The following HYDIN variants were observed in gnomAD, a reference collection of about 807,000 sequenced individuals.
HYDIN encodes HYDIN axonemal central pair apparatus protein.
Under a neutral mutation model 403.9 loss-of-function variants are expected in HYDIN, and 132 were observed. The observed-to-expected ratio is 0.33, with a 90% CI of 0.28 to 0.38. The LOEUF is 0.38. Ranked by LOEUF, HYDIN falls within the 10% of genes least tolerant of loss-of-function variation. The pLI, the probability that HYDIN is intolerant of heterozygous loss-of-function variation, is 1.00. For missense variants in HYDIN, 2,827 were observed against 5,009.5 expected, an observed-to-expected ratio of 0.56 and a Z score of 13.15; for synonymous variants, 1,202 against 1,891.7, an observed-to-expected ratio of 0.64 and a Z score of 9.46.
chr16:70,905,577 G>A (rs1388374119), intron 50 of HYDIN, among the ~76,000 whole-genome samples: 2 of 142,312 alleles, frequency 1.4e-5, no homozygotes, highest in South Asian at 4.5e-4. Flanking sequence ...AGGCTGCAGT[G>A]AGCTGAGATT....
intron 45 of HYDIN, chr16:70,933,643 T>C (rs1322602998): frequency 6.5e-6 from 1 of 154,700 alleles, no homozygotes; most frequent in African/African-American, 2.4e-5. Context: ...GCGGGTGTTG[T>C]GGAGACTGGA....
In HYDIN at chr16:70,859,996, T is replaced by C. The variant is rs191848565; in HGVS notation, c.12129+72A>G. 6.6e-5 allele frequency: 96 copies of C among 1,460,880 alleles called. No homozygotes were observed. In the East Asian group the frequency reaches 1.8e-3, roughly 28 times the overall value. 90.5% of individuals were successfully genotyped at this position (1,460,880 alleles called of 1,614,324 possible). A position where few individuals can be genotyped will look rare whatever the true frequency, so the allele number is the denominator to read the frequency against. ...TCTTCCTAATTCCACTTACTGTCTATGGCACACTTTCCACACAGCAATGGC... is the reference window on the plus strand; with the variant it reads ...TCTTCCTAATTCCACTTACTGTCTACGGCACACTTTCCACACAGCAATGGC... On this transcript the variant is annotated intron_variant, in intron 71 of 85. Coordinates refer to ENST00000393567, the MANE Select transcript of HYDIN (RefSeq NM_001270974.2).
At chr16:71,022,769 AG>A (rs1009870357) in intron 21 of HYDIN, among the ~76,000 whole-genome samples, 10 of 143,378 alleles carry the variant, frequency 7.0e-5, no homozygotes, top group African/African-American at 2.2e-4. Flanking sequence ...GGTGGAAAAA[AG>A]TAAGCAGGGA....
intron 1 of HYDIN, among the ~76,000 whole-genome samples, chr16:71,228,100 C>A (rs1170506796): frequency 6.6e-6 from 1 of 152,132 alleles, no homozygotes; most frequent in African/African-American, 2.4e-5. Flanking sequence ...GGAAAACTGG[C>A]TAGCCATATG....
chr16:70,871,571 G>A (rs905826046), intron 65 of HYDIN, among the ~76,000 whole-genome samples: 2 of 152,078 alleles, frequency 1.3e-5, no homozygotes, highest in Non-Finnish European at 2.9e-5. Context: ...AGTTAACAAG[G>A]TTTTAACATG....
Position 70,879,387 on chromosome 16 carries a change from T to G in HYDIN, c.10467A>C (p.Gly3489=). 6.3e-7 allele frequency: 1 copy of G among 1,577,560 alleles called. No homozygotes were observed. Among genetic ancestry groups the G allele is most frequent in the South Asian group, 1.1e-5 (1 of 90,104 alleles). The change falls in exon 62 of 86, where the codon GGA becomes GGC. Residue 3489 remains glycine (G), a synonymous_variant. Coordinates refer to ENST00000393567, the MANE Select transcript of HYDIN (RefSeq NM_001270974.2). ...GCCTCTTAAAGAGGAGCAAGGGGTTTCCATATTGGTTATGAAGAACTGGCC... is the reference window on the plus strand; with the variant it reads ...GCCTCTTAAAGAGGAGCAAGGGGTTGCCATATTGGTTATGAAGAACTGGCC... The part of the protein sequence containing the change: ...VVRPVLHNQY[G]NPLLLFKRLL...
chr16:71,216,816 C>T (rs1201010473), intron 1 of HYDIN, among the ~76,000 whole-genome samples: 4 of 152,170 alleles, frequency 2.6e-5, no homozygotes, highest in African/African-American at 4.8e-5. Context: ...TCCTGGACAT[C>T]GGTATTTTCA....
chr16:70,808,103 G>A, intron 85 of HYDIN, 41 bp from the exon 86 acceptor site: 2 of 1,559,034 alleles, frequency 1.3e-6, no homozygotes, highest in Non-Finnish European at 1.7e-6. Context: ...GTGAGATCCT[G>A]AAGAGCACAC....
At chr16:71,187,173 G>A (rs181573911) in intron 1 of HYDIN, among the ~76,000 whole-genome samples, 48 of 152,190 alleles carry the variant, frequency 3.2e-4, no homozygotes, top group African/African-American at 1.2e-3. Flanking sequence ...GGAAGTACAA[G>A]TTACTTCTAC....
intron 41 of HYDIN, among the ~76,000 whole-genome samples, chr16:70,947,807 G>A (rs1447637452): frequency 6.6e-6 from 1 of 152,012 alleles, no homozygotes; most frequent in East Asian, 1.9e-4. Context: ...AAATTAAAGA[G>A]GATACAAACA....
At chr16:71,157,984 C>G (rs967403794) in intron 6 of HYDIN, among the ~76,000 whole-genome samples, 2 of 147,438 alleles carry the variant, frequency 1.4e-5, no homozygotes, top group African/African-American at 5.0e-5. Context: ...GGGGACTCTG[C>G]TGAAGACAAA....
intron 52 of HYDIN, among the ~76,000 whole-genome samples, chr16:70,902,811 A>ATTTTTTTTTT (rs2076420918): frequency 3.0e-5 from 1 of 33,394 alleles, no homozygotes; most frequent in African/African-American, 1.7e-4. Flanking sequence ...ATATATATAT[A>ATTTTTTTTTT]TATATATATA....
intron 18 of HYDIN, among the ~76,000 whole-genome samples, chr16:71,059,820 A>T (rs2082023135): frequency 6.6e-6 from 1 of 152,242 alleles, no homozygotes; most frequent in South Asian, 2.1e-4. Context: ...TTTCAACCGC[A>T]TGGGGGTTTG....
At chr16:71,090,640 T>C (rs201420815) in intron 11 of HYDIN, 1 of 151,200 alleles carries the variant, frequency 6.6e-6, no homozygotes, top group East Asian at 2.0e-4. Context: ...GCTGGGGCTA[T>C]AGGTATGTGC....
chr16:70,885,712 G>A (rs1015077271), intron 58 of HYDIN, among the ~76,000 whole-genome samples: 3 of 152,032 alleles, frequency 2.0e-5, no homozygotes, highest in Non-Finnish European at 2.9e-5. Context: ...TTTCACTGAA[G>A]GCTGAGAAGA....
chr16:70,859,914 C>T (rs1309745694), intron 71 of HYDIN, among the ~76,000 whole-genome samples, 154 bp downstream of exon 71: 1 of 151,670 alleles, frequency 6.6e-6, no homozygotes, highest in Non-Finnish European at 1.5e-5. Flanking sequence ...TTGCCCAATG[C>T]ATATGGCAGC....
intron 12 of HYDIN, chr16:71,080,169 G>A: frequency 5.2e-6 from 2 of 386,098 alleles, no homozygotes; most frequent in Non-Finnish European, 4.7e-6. Flanking sequence ...AAACAATGCT[G>A]TGGTTAACTT....
Position 70,810,124 on chromosome 16 carries a change from G to C in HYDIN, c.14659-117C>G, listed in dbSNP as rs2035377318. ...GGGCAGAAATAGTGCACATGATCAT[G>C]CTGTTCTTGCTCCTGGGGAACCTGT... On this transcript the variant is annotated intron_variant, in intron 84 of 85. Transcript: ENST00000393567. 3 of 907,432 alleles carry C rather than the reference G, an allele frequency of 3.3e-6. No individual in the cohort carries two copies. In the Admixed American group the frequency reaches 5.8e-5, roughly 17 times the overall value. The allele number at this position is 907,432 out of a possible 1,614,324, so 56.2% of individuals were successfully genotyped here. A position where few individuals can be genotyped will look rare whatever the true frequency, so the allele number is the denominator to read the frequency against.
chr16:71,221,889 C>A lies in HYDIN; in HGVS notation c.-24+8673G>T, dbSNP rs184761029. 1.9e-3 allele frequency among the ~76,000 whole-genome samples: 285 copies of A among 152,334 alleles called. 5 individuals are homozygous for A. Among genetic ancestry groups the A allele is most frequent in the African/African-American group, 6.5e-3 (269 of 41,576 alleles). On this transcript the variant is annotated intron_variant, in intron 1 of 85. Transcript: ENST00000393567. Reference sequence around the variant, plus strand: ...TAACCTAAATGAAGCTGTAAACAGACCATAGCCTACTCTTGTGCCAATCAC... The same window carrying A: ...TAACCTAAATGAAGCTGTAAACAGAACATAGCCTACTCTTGTGCCAATCAC...
Sources: gnomAD v4.1 joint callset for allele counts (sites outside exome capture counted in the v4.1 genomes callset) on GRCh38, gnomAD v4.1.1 for gene constraint, MANE v1.5 for transcripts, NCBI Gene and HGNC (gene_info 2026-07-23, HGNC 2026-07-21) for gene names.